CD96: variants seen among roughly 807,000 people sequenced by gnomAD.
CD96 encodes T-cell surface protein tactile.
Under a neutral mutation model 71.3 loss-of-function variants are expected in CD96, and 70 were observed. That is an observed-to-expected ratio of 0.98 (90% CI 0.81 to 1.20). The LOEUF (loss-of-function observed/expected upper bound fraction) is 1.20. CD96 is among the 50% of genes most tolerant of loss of function. CD96 has a pLI of 0.00. For missense variants in CD96, 742 were observed against 677.5 expected, an observed-to-expected ratio of 1.10 and a Z score of -1.06; for synonymous variants, 248 against 233.0, an observed-to-expected ratio of 1.06 and a Z score of -0.59.
intron 11 of CD96, among the ~76,000 whole-genome samples, chr3:111,637,861 C>T (rs1939408868): frequency 6.6e-6 from 1 of 150,756 alleles, no homozygotes; most frequent in South Asian, 2.1e-4. Context: ...TTTTTTTCAA[C>T]CACTAGGAAA....
intron 3 of CD96, among the ~76,000 whole-genome samples, chr3:111,569,163 A>G (rs1370341271): frequency 6.6e-6 from 1 of 152,206 alleles, no homozygotes; most frequent in Admixed American, 6.5e-5. Flanking sequence ...ATATAAAAAC[A>G]TTTCCTTGGG....
intron 3 of CD96, among the ~76,000 whole-genome samples, chr3:111,567,860 T>C (rs1184440852): frequency 6.6e-6 from 1 of 152,222 alleles, no homozygotes; most frequent in African/African-American, 2.4e-5. Context: ...AATTAATTTA[T>C]AAATTTGCTT....
rs1418887180 is a variant in CD96 at position 111,600,906 on chromosome 3, T to C, written c.1079T>C (p.Phe360Ser). 1.9e-6 allele frequency: 3 copies of C among 1,603,312 alleles called. No individual in the cohort carries two copies. The East Asian group carries it at 6.7e-5, about 36-fold the overall frequency. ...VWNISSEKIT[F>S]LLGSEISSTD... The stretch of plus-strand genomic sequence containing the variant: ...AACATCTCATCAGAAAAGATCACTT[T>C]TCTCTTAGGTGAGTTGTCTATTTAA... Residue 360 changes from phenylalanine (F) to serine (S), a missense_variant, in exon 7 of 14, where the codon TTT (phenylalanine) becomes TCT (serine). Physicochemically the swap from Phe to Ser is radical, Grantham distance 155. Transcript: ENST00000352690.
chr3:111,617,698 C>G (rs1210266651), intron 8 of CD96, among the ~76,000 whole-genome samples: 1 of 152,186 alleles, frequency 6.6e-6, no homozygotes, highest in Admixed American at 6.5e-5. Flanking sequence ...CCTTGCTCAC[C>G]CTCCAGTTGT....
intron 8 of CD96, among the ~76,000 whole-genome samples, chr3:111,617,517 C>G (rs1447881636): frequency 1.3e-5 from 2 of 152,166 alleles, no homozygotes; most frequent in Non-Finnish European, 2.9e-5. Context: ...AGGGAGCTAC[C>G]CACTATGGGT....
At chr3:111,589,791 T>G (rs886563972) in intron 5 of CD96, among the ~76,000 whole-genome samples, 1 of 152,298 alleles carries the variant, frequency 6.6e-6, no homozygotes, top group Non-Finnish European at 1.5e-5. Context: ...CCAGGCAGAA[T>G]AGTATTATTA....
chr3:111,657,190 T>C (rs1304641286), downstream of CD96, among the ~76,000 whole-genome samples: 1 of 151,928 alleles, frequency 6.6e-6, no homozygotes, highest in Non-Finnish European at 1.5e-5. Context: ...GAGGCCAAGG[T>C]GGGCAGATCA....
chr3:111,623,638 G>T, intron 8 of CD96, 116 bp from the exon 9 acceptor site: 1 of 717,608 alleles, frequency 1.4e-6, no homozygotes. Context: ...AAATGAGGCT[G>T]TTCACTAAGA....
intron 3 of CD96, 66 bp from the exon 4 acceptor site, chr3:111,578,961 T>C (rs1221433642): frequency 6.1e-6 from 5 of 815,566 alleles, no homozygotes; most frequent in Non-Finnish European, 1.1e-5. Context: ...TCAGTGCTTG[T>C]CGAATGCCTA....
In CD96 at chr3:111,542,406, T is replaced by C. The variant is rs1934146649; in HGVS notation, c.61+97T>C. On this transcript the variant is annotated intron_variant, in intron 1 of 13. Transcript: ENST00000352690. Reference sequence around the variant, plus strand: ...AATGCCTTGTGACTGCTGCTGAAATTGATCACCAAAGGACAAATCATTACT... The same window carrying C: ...AATGCCTTGTGACTGCTGCTGAAATCGATCACCAAAGGACAAATCATTACT... 5 of 909,238 alleles carry C rather than the reference T, an allele frequency of 5.5e-6. No homozygotes were observed. The Admixed American group carries it at 6.9e-5, about 13-fold the overall frequency. The allele number at this position is 909,238 out of a possible 1,614,324, so 56.3% of individuals were successfully genotyped here.
intron 8 of CD96, among the ~76,000 whole-genome samples, chr3:111,611,333 A>G (rs1467897603): frequency 2.0e-5 from 3 of 152,210 alleles, no homozygotes; most frequent in Admixed American, 6.5e-5. Context: ...AGGGGATGCA[A>G]CAAAACTACT....
intron 2 of CD96, among the ~76,000 whole-genome samples, chr3:111,561,652 C>T (rs1217539255): frequency 7.3e-6 from 1 of 136,570 alleles, no homozygotes; most frequent in East Asian, 2.2e-4. Flanking sequence ...GAGGTTACTG[C>T]TGTCTTTTTG....
At position 111,545,295 on chromosome 3, in the gene CD96, A is replaced by G. The variant is rs1265432537; in HGVS notation, c.311A>G (p.His104Arg). ...TPENGSKWTL[H>R]LRNMSCSVSG... ...GAGAATGGGTCAAAATGGACTCTGC[A>G]CTTAAGGAATATGTCTTGTTCAGTC... The change falls in exon 2 of 14, where the codon CAC becomes CGC. Residue 104 changes from histidine (H) to arginine (R), a missense_variant. Physicochemically the swap from His to Arg is conservative, Grantham distance 29 (BLOSUM62 0). Transcript: ENST00000352690. The G allele has an allele frequency of 6.2e-7, 1 of 1,614,060 alleles. No individual in the cohort carries two copies. Among genetic ancestry groups the G allele is most frequent in the Non-Finnish European group, 8.5e-7 (1 of 1,179,928 alleles).
At chr3:111,662,375 A>G (rs1318264328) in intron 14 of CD96, among the ~76,000 whole-genome samples, 1 of 152,188 alleles carries the variant, frequency 6.6e-6, no homozygotes, top group African/African-American at 2.4e-5. Flanking sequence ...GCTCTTCTTT[A>G]CTTATGCAAA....
intron 4 of CD96, among the ~76,000 whole-genome samples, chr3:111,583,768 C>T (rs572932808): frequency 2.0e-5 from 3 of 152,308 alleles, no homozygotes; most frequent in South Asian, 4.1e-4. Flanking sequence ...CACCAAGTCC[C>T]GAGGCTGCAC....
At position 111,599,827 on chromosome 3, in the gene CD96, T is replaced by C. The variant is rs146673783; in HGVS notation, c.899-899T>C. 5.3e-5 allele frequency among the ~76,000 whole-genome samples: 8 copies of C among 152,356 alleles called. No homozygotes were observed. The East Asian group carries it at 1.3e-3, about 26-fold the overall frequency. On this transcript the variant is annotated intron_variant, in intron 6 of 13. Transcript: ENST00000352690. ...TAGAGGCTAGATTTTGTGGTCAGAA[T>C]TGCACTGGCACACAACTGCATTTAG...
rs200541974 is a variant in CD96, at chr3:111,579,097, A to G, written c.614A>G (p.Asp205Gly). Residue 205 changes from aspartate (D) to glycine (G), a missense_variant, in exon 4 of 14, where the codon GAT (aspartate) becomes GGT (glycine). Physicochemically the swap from Asp to Gly is moderately conservative, Grantham distance 94. Coordinates refer to ENST00000352690, the MANE Select transcript of CD96 (RefSeq NM_005816.5). ...ATCAGCAATTCCACATTACTTAAAG[A>G]TAGAGTCAAGCTTGGTACAGACTAC... The part of the protein sequence containing the change: ...HLISNSTLLK[D>G]RVKLGTDYRL... 105 of 1,606,836 alleles carry G rather than the reference A, an allele frequency of 6.5e-5. 2 individuals carry two copies. The South Asian group carries it at 7.0e-4, about 11-fold the overall frequency.
intron 14 of CD96, among the ~76,000 whole-genome samples, chr3:111,658,111 C>T (rs1342602479): frequency 2.0e-5 from 3 of 152,166 alleles, no homozygotes; most frequent in Non-Finnish European, 2.9e-5. Context: ...ACAAAGTAAA[C>T]ATAAGTGAAC....
At chr3:111,621,037 A>T (rs567743999) in intron 8 of CD96, among the ~76,000 whole-genome samples, 1 of 152,338 alleles carries the variant, frequency 6.6e-6, no homozygotes, top group East Asian at 1.9e-4. Flanking sequence ...TTCCTGCCAG[A>T]ATTAAATCAC....
Sources: gnomAD v4.1 joint callset for allele counts (sites outside exome capture counted in the v4.1 genomes callset) on GRCh38, gnomAD v4.1.1 for gene constraint, MANE v1.5 for transcripts, NCBI Gene and HGNC (gene_info 2026-07-23, HGNC 2026-07-21) for gene names.